TYW1: variants seen among roughly 807,000 people sequenced by gnomAD.
The protein encoded by TYW1 is S-adenosyl-L-methionine-dependent tRNA 4-demethylwyosine synthase TYW1.
In TYW1, 46 loss-of-function variants were observed where a neutral mutation model predicts 96.2. The ratio of observed to expected loss-of-function variants is 0.48; its 90% CI spans 0.38 to 0.61. TYW1 has a LOEUF of 0.61. TYW1 is among the 20% of genes least tolerant of loss of function. The pLI, the probability that TYW1 is intolerant of heterozygous loss-of-function variation, is 0.00. For missense variants in TYW1, 684 were observed against 909.6 expected (o/e 0.75, Z 3.19); for synonymous variants, 274 against 323.0 (o/e 0.85, Z 1.63).
At chr7:67,053,304 G>A (rs1411522762) in intron 8 of TYW1, among the ~76,000 whole-genome samples, 1 of 151,556 alleles carries the variant, frequency 6.6e-6, no homozygotes, top group East Asian at 1.9e-4. Context: ...ACAATTCTCA[G>A]CCTGCTGTAA....
intron 13 of TYW1, among the ~76,000 whole-genome samples, chr7:67,122,336 T>A (rs1197256942): frequency 6.6e-6 from 1 of 152,216 alleles, no homozygotes; most frequent in Non-Finnish European, 1.5e-5. Context: ...GGGCTTATTG[T>A]ACATTAATGA....
chr7:67,089,578 A>G (rs1796652621), intron 11 of TYW1: 2 of 550,050 alleles, frequency 3.6e-6, no homozygotes, highest in Non-Finnish European at 6.4e-6. Flanking sequence ...GGTCTGGTTC[A>G]GTTGTGTGAA....
chr7:67,168,107 C>T (rs1799406254), intron 13 of TYW1, among the ~76,000 whole-genome samples: 1 of 140,636 alleles, frequency 7.1e-6, no homozygotes, highest in Admixed American at 7.1e-5. Context: ...CTTTTTATTC[C>T]TAGCTTTATG....
chr7:67,070,148 T>G (rs1795989605), intron 10 of TYW1, among the ~76,000 whole-genome samples: 2 of 152,212 alleles, frequency 1.3e-5, no homozygotes, highest in African/African-American at 4.8e-5. Flanking sequence ...CTCTCTCGCT[T>G]CTTTCAAGTT....
chr7:67,075,181 A>T (rs527660011), intron 10 of TYW1, among the ~76,000 whole-genome samples: 1 of 152,270 alleles, frequency 6.6e-6, no homozygotes, highest in African/African-American at 2.4e-5. Flanking sequence ...TTTCAGAAGG[A>T]TATATTGGGT....
At chr7:67,104,461 G>A (rs1258267334) in intron 12 of TYW1, among the ~76,000 whole-genome samples, 1 of 152,154 alleles carries the variant, frequency 6.6e-6, no homozygotes, top group South Asian at 2.1e-4. Context: ...TCATTATCAC[G>A]AGAACAGCAA....
chr7:67,140,677 A>G (rs1316431396), intron 13 of TYW1, among the ~76,000 whole-genome samples: 1 of 152,226 alleles, frequency 6.6e-6, no homozygotes, highest in Non-Finnish European at 1.5e-5. Context: ...CTTCAGCCTC[A>G]TCTTTGAAGG....
rs759942618 is a variant in TYW1, at chr7:67,098,543, G to C, written c.1387G>C (p.Val463Leu). Reference protein sequence around the residue: ...HQNMIKQFKGVPGVKAERFEE... With the variant: ...HQNMIKQFKGLPGVKAERFEE... ...GTCCTTCTCACTGTATTCTCCAGGA[G>C]TACCGGGCGTCAAAGCAGAACGCTT... Residue 463 changes from valine (V) to leucine (L), a missense_variant and splice_region_variant, in exon 12 of 16, where the codon GTA (valine) becomes CTA (leucine). Coordinates refer to ENST00000359626, the MANE Select transcript of TYW1 (RefSeq NM_018264.4). The C allele has an allele frequency of 6.4e-7, 1 of 1,573,952 alleles. No homozygotes were observed.
chr7:67,004,048 AAAAC>A (rs1793488356), intron 3 of TYW1, among the ~76,000 whole-genome samples: 1 of 149,484 alleles, frequency 6.7e-6, no homozygotes, highest in Admixed American at 6.7e-5. Flanking sequence ...TGTCTCAAAA[AAAAC>A]AAAAAACAAA....
intron 8 of TYW1, among the ~76,000 whole-genome samples, chr7:67,053,380 CT>C (rs35828058): frequency 1.3e-3 from 177 of 134,306 alleles, no homozygotes; most frequent in Middle Eastern, 4.0e-3. Flanking sequence ...TAGTTTGTTT[CT>C]TTTTTTTTTT....
intron 15 of TYW1, among the ~76,000 whole-genome samples, chr7:67,207,792 C>A (rs1482773556): frequency 7.2e-6 from 1 of 139,708 alleles, no homozygotes; most frequent in Admixed American, 7.9e-5. Context: ...ACAATCTTGG[C>A]TCACTGCAAC....
At chr7:67,163,520 T>G (rs1203636129) in intron 13 of TYW1, among the ~76,000 whole-genome samples, 4 of 152,136 alleles carry the variant, frequency 2.6e-5, no homozygotes. Flanking sequence ...TGTTTCCTGT[T>G]GTAAGTAACC....
chr7:67,050,268 G>A (rs1795314264), intron 8 of TYW1, among the ~76,000 whole-genome samples: 1 of 151,984 alleles, frequency 6.6e-6, no homozygotes, highest in African/African-American at 2.4e-5. Flanking sequence ...TTGGTTTATT[G>A]GGATATTACT....
chr7:67,074,567 T>TA (rs1484313342), intron 10 of TYW1, among the ~76,000 whole-genome samples: 1 of 152,198 alleles, frequency 6.6e-6, no homozygotes, highest in East Asian at 1.9e-4. Flanking sequence ...TGGCTTCTGG[T>TA]AAAGAAGGAC....
At chr7:67,095,639 C>T (rs1430756360) in intron 11 of TYW1, among the ~76,000 whole-genome samples, 3 of 151,546 alleles carry the variant, frequency 2.0e-5, no homozygotes, top group Non-Finnish European at 4.4e-5. Flanking sequence ...GCCTGGGCAA[C>T]AGGGCGAGAC....
chr7:67,137,907 AG>A (rs1011138340), intron 13 of TYW1, among the ~76,000 whole-genome samples: 2 of 152,210 alleles, frequency 1.3e-5, no homozygotes, highest in African/African-American at 4.8e-5. Flanking sequence ...AGCAGCAGAG[AG>A]AGGCCCACAC....
At chr7:67,218,794 GT>G (rs1801286868) in intron 15 of TYW1, among the ~76,000 whole-genome samples, 1 of 152,122 alleles carries the variant, frequency 6.6e-6, no homozygotes, top group Non-Finnish European at 1.5e-5. Flanking sequence ...AGTTTAAACA[GT>G]TTTTTGGTTG....
Position 67,222,297 on chromosome 7 carries a change from C to G in TYW1, c.1978-16011C>G, listed in dbSNP as rs1379235469. Among the ~76,000 whole-genome samples the G allele has an allele frequency of 7.2e-5, 11 of 152,302 alleles. No individual in the cohort carries two copies. In the South Asian group the frequency reaches 1.0e-3, roughly 14 times the overall value. On this transcript the variant is annotated intron_variant, in intron 15 of 15. Transcript: ENST00000359626. ...ATATTTACCTTTACTATGATCTTTA[C>G]TTCTTCATGCAGCTTCAAATTACTG...
chr7:67,238,477 A>G lies in TYW1; in HGVS notation c.2147A>G (p.Lys716Arg). ...GCCAGTGAAAGAGGCTTTGATCCCAAGGACACAAGACATCAGAGAAAGAAC... is the reference window on the plus strand; with the variant it reads ...GCCAGTGAAAGAGGCTTTGATCCCAGGGACACAAGACATCAGAGAAAGAAC... ...FGASERGFDP[K>R]DTRHQRKNKS... The change falls in exon 16 of 16, where the codon AAG becomes AGG. Residue 716 changes from lysine to arginine, a missense_variant. By Grantham distance (26) the Lys-to-Arg change is conservative. Transcript: ENST00000359626. 8.7e-6 allele frequency: 14 copies of G among 1,613,988 alleles called. No individual in the cohort carries two copies. The highest frequency in any genetic ancestry group is 1.2e-5 in the Non-Finnish European group (14 of 1,179,860).
Sources: gnomAD v4.1 joint callset for allele counts (sites outside exome capture counted in the v4.1 genomes callset) on GRCh38, gnomAD v4.1.1 for gene constraint, MANE v1.5 for transcripts, NCBI Gene and HGNC (gene_info 2026-07-23, HGNC 2026-07-21) for gene names.